Variants in CD1B observed in about 807,000 individuals in gnomAD.
The protein encoded by CD1B is T-cell surface glycoprotein CD1b.
In CD1B, 43 loss-of-function variants were observed where a neutral mutation model predicts 39.8. The observed-to-expected ratio is 1.08, with a 90% confidence interval of 0.85 to 1.39. The LOEUF (loss-of-function observed/expected upper bound fraction) is 1.39. Ranked by LOEUF, CD1B falls within the 40% of genes most tolerant of loss-of-function variation. The probability of loss-of-function intolerance (pLI) is 0.00; values close to 1 mark genes in which losing one functional copy is unlikely to be tolerated. For synonymous variants in CD1B, 192 were observed against 152.5 expected (o/e 1.26, Z -1.91); for missense variants, 495 against 403.8 (o/e 1.23, Z -1.94).
chr1:158,285,950 G>A, the CD1B span, among the ~76,000 whole-genome samples: 1 of 152,156 alleles, frequency 6.6e-6, no homozygotes, highest in Non-Finnish European at 1.5e-5. Flanking sequence ...AGAGGGCAAG[G>A]TTTCTGCTGG....
downstream of CD1B, among the ~76,000 whole-genome samples, chr1:158,327,019 A>T (rs756199718): frequency 2.0e-5 from 3 of 151,950 alleles, no homozygotes; most frequent in Non-Finnish European, 4.4e-5. Flanking sequence ...CTGGTCTCAA[A>T]CTCCTGACCT....
At chr1:158,294,848 C>T in the CD1B span, among the ~76,000 whole-genome samples, 1 of 152,304 alleles carries the variant, frequency 6.6e-6, no homozygotes, top group South Asian at 2.1e-4. Flanking sequence ...AGTAACCATT[C>T]CTTTTCATTG....
the CD1B span, among the ~76,000 whole-genome samples, chr1:158,318,518 A>G: frequency 6.6e-6 from 1 of 152,054 alleles, no homozygotes; most frequent in Non-Finnish European, 1.5e-5. Flanking sequence ...TTTGCTTGGT[A>G]GATCTTCCTC....
At chr1:158,292,158 G>A in the CD1B span, 1 of 1,614,194 alleles carries the variant, frequency 6.2e-7, no homozygotes, top group Non-Finnish European at 8.5e-7. Context: ...CTTTCAGGTA[G>A]CTTTCAACGG....
downstream of CD1B, among the ~76,000 whole-genome samples, chr1:158,325,363 G>T (rs1652313135): frequency 6.6e-6 from 1 of 152,094 alleles, no homozygotes; most frequent in South Asian, 2.1e-4. Flanking sequence ...TATTGCATCA[G>T]ATTGGATGCC....
At chr1:158,306,042 C>A in the CD1B span, among the ~76,000 whole-genome samples, 1 of 152,032 alleles carries the variant, frequency 6.6e-6, no homozygotes, top group African/African-American at 2.4e-5. Flanking sequence ...AAAATAACCA[C>A]CTAACATCAT....
At chr1:158,320,457 A>C in the CD1B span, among the ~76,000 whole-genome samples, 1 of 152,140 alleles carries the variant, frequency 6.6e-6, no homozygotes, top group African/African-American at 2.4e-5. Flanking sequence ...TTGACTAGGA[A>C]AGGGAACTCC....
At chr1:158,305,818 A>T in the CD1B span, among the ~76,000 whole-genome samples, 1 of 152,250 alleles carries the variant, frequency 6.6e-6, no homozygotes, top group African/African-American at 2.4e-5. Flanking sequence ...AGAATTTCAT[A>T]TGTAGCCAAA....
chr1:158,313,149 T>C, the CD1B span, among the ~76,000 whole-genome samples: 3 of 152,216 alleles, frequency 2.0e-5, no homozygotes, highest in Admixed American at 2.0e-4. Context: ...TGCAGTACAT[T>C]TATTAATCTG....
At chr1:158,328,379 T>C (rs966967301) in intron 5 of CD1B, 122 bp from the exon 6 acceptor site, 1 of 674,604 alleles carries the variant, frequency 1.5e-6, no homozygotes, top group South Asian at 2.2e-5. Context: ...GATAGACGAA[T>C]GGATGAACAA....
At chr1:158,314,718 C>T in the CD1B span, among the ~76,000 whole-genome samples, 117 of 151,898 alleles carry the variant, frequency 7.7e-4, no homozygotes, top group African/African-American at 2.6e-3. Flanking sequence ...ATGTTAGTTA[C>T]GTATGTATAC....
At chr1:158,298,286 C>T in the CD1B span, among the ~76,000 whole-genome samples, 24 of 152,052 alleles carry the variant, frequency 1.6e-4, no homozygotes, top group Admixed American at 3.9e-4. Flanking sequence ...TGTTATCATA[C>T]AATAATGGTG....
the CD1B span, among the ~76,000 whole-genome samples, chr1:158,316,463 G>A: frequency 2.0e-5 from 3 of 151,778 alleles, no homozygotes; most frequent in Admixed American, 6.6e-5. Flanking sequence ...CTGTTTGTCT[G>A]TTGTTGGTGT....
chr1:158,311,547 CT>C, the CD1B span, among the ~76,000 whole-genome samples: 1 of 152,066 alleles, frequency 6.6e-6, no homozygotes, highest in Non-Finnish European at 1.5e-5. Context: ...ATTACCAGTG[CT>C]TTTGAGGTCT....
At chr1:158,288,130 C>A in the CD1B span, among the ~76,000 whole-genome samples, 1 of 152,180 alleles carries the variant, frequency 6.6e-6, no homozygotes, top group Non-Finnish European at 1.5e-5. Context: ...TTGCCATTAA[C>A]AGCACAAGAT....
chr1:158,329,568 A>G lies in CD1B; in HGVS notation c.688T>C (p.Tyr230His), dbSNP rs1652501091. 1.9e-6 allele frequency: 3 copies of G among 1,613,994 alleles called. No individual in the cohort carries two copies. The highest frequency in any genetic ancestry group is 3.3e-4 in the Middle Eastern group (2 of 6,084). The change falls in exon 4 of 6, where the codon TAC becomes CAC. Residue 230 changes from tyrosine to histidine, a missense_variant. Coordinates refer to ENST00000368168, the MANE Select transcript of CD1B (RefSeq NM_001764.3). ...LQLVCHVSGFYPKPVWVMWMR... is the reference protein window; with the variant it reads ...LQLVCHVSGFHPKPVWVMWMR... ...CACATCACCCACACGGGCTTTGGGTAGAATCCTGAGACATGGCACACAAGC... is the reference window on the plus strand; with the variant it reads ...CACATCACCCACACGGGCTTTGGGTGGAATCCTGAGACATGGCACACAAGC...
Position 158,330,793 on chromosome 1 carries a change from C to A in CD1B, c.328+3G>T, listed in dbSNP as rs1399734768. On this transcript the variant is annotated splice_donor_region_variant and intron_variant, in intron 2 of 5. Transcript: ENST00000368168. ...TCTTCCCAGTTCGGTGGACTAGACTCACATTTCATCTGGAAATCACCGGCA... is the reference window on the plus strand; with the variant it reads ...TCTTCCCAGTTCGGTGGACTAGACTAACATTTCATCTGGAAATCACCGGCA... 2 of 1,613,942 alleles carry A rather than the reference C, an allele frequency of 1.2e-6. No individual in the cohort carries two copies. The highest frequency in any genetic ancestry group is 1.7e-6 in the Non-Finnish European group (2 of 1,179,972).
chr1:158,293,028 T>A, the CD1B span, among the ~76,000 whole-genome samples: 72 of 152,216 alleles, frequency 4.7e-4, no homozygotes, highest in Non-Finnish European at 9.0e-4. Flanking sequence ...AAGGGATACA[T>A]GGATACTAGA....
the CD1B span, chr1:158,293,737 GC>G: frequency 2.8e-6 from 2 of 717,636 alleles, no homozygotes; most frequent in Non-Finnish European, 4.6e-6. Flanking sequence ...AACCCAGAGA[GC>G]CCCTCAACTG....
Sources: gnomAD v4.1 joint callset for allele counts (sites outside exome capture counted in the v4.1 genomes callset) on GRCh38, gnomAD v4.1.1 for gene constraint, MANE v1.5 for transcripts, NCBI Gene and HGNC (gene_info 2026-07-23, HGNC 2026-07-21) for gene names.